The following CEP97 variants were observed in gnomAD, a reference collection of about 807,000 sequenced individuals.
The protein encoded by CEP97 is centrosomal protein 97, also known as centrosomal protein of 97 kDa.
A neutral mutation model predicts 73.1 loss-of-function variants in CEP97; 43 were observed. The ratio of observed to expected loss-of-function variants is 0.59; its 90% CI spans 0.46 to 0.76. The LOEUF is 0.76. Among genes scored for constraint, CEP97 ranks in the 30% least tolerant of loss-of-function variants. CEP97 has a pLI of 0.00. For missense variants in CEP97, 939 were observed against 1,014.0 expected (o/e 0.93, Z 1.00); for synonymous variants, 337 against 370.0 (o/e 0.91, Z 1.02).
Position 101,748,519 on chromosome 3 carries a change from T to C in CEP97, c.729-6911T>C, listed in dbSNP as rs543220419. Reference sequence around the variant, plus strand: ...TGGCGATTGTCTTCTACTCTGGACCTATTTTTGTACAACCTTTCAACATGC... The same window carrying C: ...TGGCGATTGTCTTCTACTCTGGACCCATTTTTGTACAACCTTTCAACATGC... On this transcript the variant is annotated intron_variant, in intron 6 of 10. Coordinates refer to ENST00000341893, the MANE Select transcript of CEP97 (RefSeq NM_024548.4). 2.0e-5 allele frequency among the ~76,000 whole-genome samples: 3 copies of C among 152,356 alleles called. No individual in the cohort carries two copies. In the South Asian group the frequency reaches 6.2e-4, roughly 32 times the overall value.
At chr3:101,739,004 A>T (rs1178659734) in intron 6 of CEP97, among the ~76,000 whole-genome samples, 1 of 152,236 alleles carries the variant, frequency 6.6e-6, no homozygotes, top group Non-Finnish European at 1.5e-5. Flanking sequence ...ATCACCGTTG[A>T]TCCCATAGAA....
chr3:101,744,004 CAAAA>C (rs36050896), intron 6 of CEP97, among the ~76,000 whole-genome samples: 1 of 111,658 alleles, frequency 9.0e-6, no homozygotes, highest in African/African-American at 3.3e-5. Context: ...AACTCCGTCT[CAAAA>C]AAAAAAAAAA....
rs187939859 is a variant in CEP97, at chr3:101,746,038, A to G, written c.729-9392A>G. 6.4e-3 allele frequency among the ~76,000 whole-genome samples: 968 copies of G among 152,206 alleles called. 8 individuals carry two copies. The highest frequency in any genetic ancestry group is 0.022 in the African/African-American group (916 of 41,518). ...TTTTGTTCTTGTGATAGTTTACTGAAAATGATGATTTCCAATTTCATCCAT... is the reference window on the plus strand; with the variant it reads ...TTTTGTTCTTGTGATAGTTTACTGAGAATGATGATTTCCAATTTCATCCAT... On this transcript the variant is annotated intron_variant, in intron 6 of 10. Coordinates refer to ENST00000341893, the MANE Select transcript of CEP97 (RefSeq NM_024548.4).
rs377491984 is a variant in CEP97, at chr3:101,750,538, G to T, written c.729-4892G>T. On this transcript the variant is annotated intron_variant, in intron 6 of 10. Coordinates refer to ENST00000341893, the MANE Select transcript of CEP97 (RefSeq NM_024548.4). The stretch of plus-strand genomic sequence containing the variant: ...TAGAATTTGGCTGTGAATCCATCTG[G>T]TCCTGGACTCTTTTTGGTTGGTAAG... Among the ~76,000 whole-genome samples the T allele has an allele frequency of 4.8e-4, 73 of 152,274 alleles. No homozygotes were observed. The East Asian group carries it at 0.01, about 21-fold the overall frequency.
chr3:101,763,969 T>G (rs1363288217), intron 10 of CEP97, among the ~76,000 whole-genome samples: 1 of 152,190 alleles, frequency 6.6e-6, no homozygotes. Context: ...CTTGCTGTTT[T>G]TCTTGTAGAA....
Position 101,757,696 on chromosome 3 carries a change from G to A in CEP97, c.1090G>A (p.Val364Ile). 1 of 1,614,158 alleles carries A rather than the reference G, an allele frequency of 6.2e-7. No individual in the cohort carries two copies. The highest frequency in any genetic ancestry group is 8.5e-7 in the Non-Finnish European group (1 of 1,180,032). ...CAGTAATGATGATCAGTTATTTGCG[G>A]TTAAGAATAATTTTCCAGCCTCTGT... is the stretch of plus-strand genomic sequence containing the variant. ...INSNDDQLFA[V>I]KNNFPASVHT... is the part of the protein sequence containing the mutation. Residue 364 changes from valine (V) to isoleucine (I), a missense_variant, in exon 9 of 11, where the codon GTT becomes ATT. Physicochemically the swap from Val to Ile is conservative, Grantham distance 29. Coordinates refer to ENST00000341893, the MANE Select transcript of CEP97 (RefSeq NM_024548.4).
chr3:101,764,283 A>G (rs1406004455), intron 10 of CEP97, among the ~76,000 whole-genome samples: 2 of 152,100 alleles, frequency 1.3e-5, no homozygotes, highest in Non-Finnish European at 2.9e-5. Context: ...CTGGGCAACA[A>G]AGCGAGACCT....
At chr3:101,757,040 G>C (rs775502112) in intron 7 of CEP97, 23 bp from the exon 8 acceptor site, 4 of 1,587,884 alleles carry the variant, frequency 2.5e-6, no homozygotes, top group Non-Finnish European at 3.4e-6. Context: ...TGTTAAATTA[G>C]ACCAGGTATT....
chr3:101,731,989 C>G (rs763363498), intron 5 of CEP97, 36 bp downstream of exon 5: 28 of 1,218,502 alleles, frequency 2.3e-5, no homozygotes, highest in Middle Eastern at 1.9e-4. Flanking sequence ...ATTCAGGAAG[C>G]TGGAAATCCT....
intron 10 of CEP97, among the ~76,000 whole-genome samples, chr3:101,762,773 AAAAC>A (rs2107193138): frequency 6.6e-6 from 1 of 152,346 alleles, no homozygotes; most frequent in East Asian, 1.9e-4. Flanking sequence ...TTTGACAAGA[AAAAC>A]AAAATAGTAT....
Position 101,758,336 on chromosome 3 carries a change from A to C in CEP97, c.1730A>C (p.Tyr577Ser), listed in dbSNP as rs139577624. 1.2e-5 allele frequency: 20 copies of C among 1,614,136 alleles called. No homozygotes were observed. Among genetic ancestry groups the C allele is most frequent in the Non-Finnish European group, 1.5e-5 (18 of 1,180,056 alleles). Residue 577 changes from tyrosine (Y) to serine (S), a missense_variant, in exon 9 of 11, where the codon TAC becomes TCC. Physicochemically the swap from Tyr to Ser is moderately radical, Grantham distance 144. Coordinates refer to ENST00000341893, the MANE Select transcript of CEP97 (RefSeq NM_024548.4). ...ACWRGFYARN[Y>S]NPQAKDVRYE... is the part of the protein sequence containing the mutation. ...TGGCGGGGATTTTATGCCAGGAACT[A>C]CAACCCTCAAGCCAAAGATGTGCGT...
At chr3:101,732,878 A>G (rs190170212) in intron 6 of CEP97, among the ~76,000 whole-genome samples, 1 of 152,054 alleles carries the variant, frequency 6.6e-6, no homozygotes, top group African/African-American at 2.4e-5. Context: ...TAATCCTTGC[A>G]CTTTGGAAAG....
intron 9 of CEP97, among the ~76,000 whole-genome samples, chr3:101,761,615 T>G (rs1240707919): frequency 1.3e-5 from 2 of 152,102 alleles, no homozygotes; most frequent in African/African-American, 4.8e-5. Context: ...CCCTGATGTG[T>G]GACAGGGAAA....
At chr3:101,757,504 C>A in intron 8 of CEP97, 130 bp from the exon 9 acceptor site, 1 of 818,322 alleles carries the variant, frequency 1.2e-6, no homozygotes, top group Non-Finnish European at 1.9e-6. Context: ...ATGTTTTCGG[C>A]ATATTGGAAG....
chr3:101,754,042 C>CTTTT (rs35323976), intron 6 of CEP97, among the ~76,000 whole-genome samples: 1 of 75,472 alleles, frequency 1.3e-5, no homozygotes, highest in Non-Finnish European at 2.3e-5. Context: ...ATTTGGCCAT[C>CTTTT]TTTTTTTTTT....
chr3:101,756,065 C>CT (rs879428955), intron 7 of CEP97, among the ~76,000 whole-genome samples: 257 of 144,674 alleles, frequency 1.8e-3, no homozygotes, highest in Non-Finnish European at 2.2e-3. Flanking sequence ...TATATTTGTT[C>CT]TTTTTTTTTT....
chr3:101,738,011 C>CAAAAAAAAAAAA (rs770745532), intron 6 of CEP97, among the ~76,000 whole-genome samples: 40 of 44,212 alleles, frequency 9.0e-4, no homozygotes, highest in East Asian at 2.6e-3. Flanking sequence ...AAATGGAAAG[C>CAAAAAAAAAAAA]AAAAAAAAAA....
rs766240375 is a variant in CEP97 at position 101,765,347 on chromosome 3, C to T, written c.2394C>T (p.Ser798=). 2.5e-6 allele frequency: 4 copies of T among 1,614,128 alleles called. No homozygotes were observed. The highest frequency in any genetic ancestry group is 3.4e-6 in the Non-Finnish European group (4 of 1,180,028). ...RTNFDTETRD[S]KLHIACFPVQ... ...ATTTTGATACAGAGACAAGAGATAGCAAACTTCACATTGCTTGTTTCCCAG... is the reference window on the plus strand; with the variant it reads ...ATTTTGATACAGAGACAAGAGATAGTAAACTTCACATTGCTTGTTTCCCAG... Residue 798 remains serine (S), a synonymous_variant, in exon 11 of 11, where the codon AGC becomes AGT. Transcript: ENST00000341893.
In CEP97 at chr3:101,755,122, A is replaced by G. The variant is rs561095689; in HGVS notation, c.729-308A>G. ...TCAAATGCAGTTCATCTATTTAGGC[A>G]TTTCAGTGTGACAGAATGAATGGGG... On this transcript the variant is annotated intron_variant, in intron 6 of 10. Transcript: ENST00000341893. Among the ~76,000 whole-genome samples the G allele has an allele frequency of 3.9e-5, 6 of 151,994 alleles. No homozygotes were observed. The South Asian group carries it at 1.2e-3, about 32-fold the overall frequency.
Sources: gnomAD v4.1 joint callset for allele counts (sites outside exome capture counted in the v4.1 genomes callset) on GRCh38, gnomAD v4.1.1 for gene constraint, MANE v1.5 for transcripts, NCBI Gene and HGNC (gene_info 2026-07-23, HGNC 2026-07-21) for gene names.